Variants in MYOZ1 observed in about 807,000 individuals in gnomAD.
The protein encoded by MYOZ1 is myozenin 1.
A neutral mutation model predicts 28.7 loss-of-function variants in MYOZ1; 20 were observed. The observed-to-expected ratio is 0.70, with a 90% CI of 0.49 to 1.01. The LOEUF (loss-of-function observed/expected upper bound fraction) is 1.01. Ranked by LOEUF, MYOZ1 falls within the 50% of genes least tolerant of loss-of-function variation. The pLI, the probability that MYOZ1 is intolerant of heterozygous loss-of-function variation, is 0.00. For synonymous variants in MYOZ1, 144 were observed against 145.8 expected (o/e 0.99, Z 0.09); for missense variants, 371 against 372.4 (o/e 1.00, Z 0.03).
intron 5 of MYOZ1, among the ~76,000 whole-genome samples, chr10:73,633,007 A>G (rs1280452388): frequency 6.6e-6 from 1 of 151,980 alleles, no homozygotes; most frequent in Non-Finnish European, 1.5e-5. Context: ...AGCCATCTAA[A>G]GCAGGGTGGC....
chr10:73,633,386 A>C (rs1350642191), intron 5 of MYOZ1, among the ~76,000 whole-genome samples: 1 of 152,098 alleles, frequency 6.6e-6, no homozygotes, highest in Non-Finnish European at 1.5e-5. Context: ...CCTTGAATGG[A>C]AGAGAGCCTC....
intron 3 of MYOZ1, among the ~76,000 whole-genome samples, chr10:73,637,010 C>CTTTTTTTTTTTTTTTTTTTTTTTTTTTT (rs200349316): frequency 2.2e-5 from 3 of 137,498 alleles, no homozygotes; most frequent in East Asian, 2.2e-4. Context: ...TTTCTTTTTT[C>CTTTTTTTTTTTTTTTTTTTTTTTTTTTT]TTTCTTTTTT....
At chr10:73,638,806 A>T (rs1477403402) in intron 2 of MYOZ1, among the ~76,000 whole-genome samples, 2 of 151,290 alleles carry the variant, frequency 1.3e-5, no homozygotes, top group African/African-American at 4.9e-5. Context: ...AGCCGGGATT[A>T]CAGGCACCCG....
intron 2 of MYOZ1, among the ~76,000 whole-genome samples, chr10:73,638,668 T>TTATTTATGTATTTATTTATG (rs1554958193): frequency 1.2e-3 from 173 of 147,510 alleles, no homozygotes; most frequent in African/African-American, 4.0e-3. Flanking sequence ...ATTTATTTAT[T>TTATTTATGTATTTATTTATG]TATTTATTTA....
chr10:73,632,856 A>G (rs1258763227), intron 5 of MYOZ1, among the ~76,000 whole-genome samples: 2 of 152,054 alleles, frequency 1.3e-5, no homozygotes, highest in African/African-American at 4.8e-5. Flanking sequence ...TAGCCTGGCT[A>G]AGAGTAATTA....
chr10:73,639,941 C>T lies in MYOZ1; in HGVS notation c.73+4G>A, dbSNP rs111508910. 1.1e-5 allele frequency: 17 copies of T among 1,613,840 alleles called. No individual in the cohort carries two copies. Among genetic ancestry groups the T allele is most frequent in the African/African-American group, 9.3e-5 (7 of 75,026 alleles). On this transcript the variant is annotated splice_donor_region_variant and intron_variant, in intron 2 of 5. Transcript: ENST00000359322. ...CACACTAGGGAGATGCAAACATGTC[C>T]TACCTCCAGTGAGTTCCATGATCAG...
chr10:73,639,949 A>C lies in MYOZ1; in HGVS notation c.69T>G (p.Thr23=). Residue 23 remains threonine, a synonymous_variant, in exon 2 of 6, where the codon ACT becomes ACG. Transcript: ENST00000359322. The stretch of plus-strand genomic sequence containing the variant: ...GGAGATGCAAACATGTCCTACCTCC[A>C]GTGAGTTCCATGATCAGCTTGCTGG... The part of the protein sequence containing the change: ...RKSSKLIMEL[T]GGGQESSGLN... 1 of 1,613,888 alleles carries C rather than the reference A, an allele frequency of 6.2e-7. No homozygotes were observed. Among genetic ancestry groups the C allele is most frequent in the African/African-American group, 1.3e-5 (1 of 75,006 alleles).
chr10:73,637,520 G>T (rs2081674465), intron 3 of MYOZ1, among the ~76,000 whole-genome samples: 5 of 152,154 alleles, frequency 3.3e-5, no homozygotes, highest in African/African-American at 1.2e-4. Context: ...CCCTAAGGGT[G>T]TGGTATTCTC....
At chr10:73,637,720 A>G in intron 3 of MYOZ1, 24 bp downstream of exon 3, 1 of 1,594,892 alleles carries the variant, frequency 6.3e-7, no homozygotes, top group Non-Finnish European at 8.6e-7. Context: ...AGGCTTTGAG[A>G]TAGTGATAAA....
chr10:73,638,014 T>A, intron 2 of MYOZ1, 92 bp from the exon 3 acceptor site: 1 of 1,178,510 alleles, frequency 8.5e-7, no homozygotes, highest in Non-Finnish European at 1.2e-6. Flanking sequence ...ACTAAGTGTG[T>A]ATGTGTGTCC....
rs754320628 is a variant in MYOZ1 at position 73,640,000 on chromosome 10, G to C, written c.18C>G (p.Thr6=). Reference sequence around the variant, plus strand: ...ATTTCCTCTTCTTATTAGGGGCCGGGGTTCCTGAGAGCGGCATTGTGGAGG... The same window carrying C: ...ATTTCCTCTTCTTATTAGGGGCCGGCGTTCCTGAGAGCGGCATTGTGGAGG... MPLSG[T]PAPNKKRKSS... The change falls in exon 2 of 6, where the codon ACC becomes ACG. Residue 6 remains threonine (T), a synonymous_variant. Transcript: ENST00000359322. 2 of 1,613,868 alleles carry C rather than the reference G, an allele frequency of 1.2e-6. No homozygotes were observed. The highest frequency in any genetic ancestry group is 1.3e-5 in the African/African-American group (1 of 74,890).
rs935574117 is a variant in MYOZ1 at position 73,632,001 on chromosome 10, T to C, written c.829A>G (p.Ser277Gly). The change falls in exon 6 of 6, where the codon AGC becomes GGC. Residue 277 changes from serine (S) to glycine (G), a missense_variant. Transcript: ENST00000359322. ...TTGTAGTCTACAGGCTCCCCAGAGCTCAGCCAGGGAATAGGGGTTCGATTG... is the reference window on the plus strand; with the variant it reads ...TTGTAGTCTACAGGCTCCCCAGAGCCCAGCCAGGGAATAGGGGTTCGATTG... ...SFNRTPIPWL[S>G]SGEPVDYNVD... is the part of the protein sequence containing the mutation. 1.9e-6 allele frequency: 3 copies of C among 1,614,030 alleles called. No individual in the cohort carries two copies. The East Asian group carries it at 6.7e-5, about 36-fold the overall frequency.
intron 3 of MYOZ1, among the ~76,000 whole-genome samples, chr10:73,635,264 G>A (rs968019211): frequency 6.6e-6 from 1 of 151,112 alleles, no homozygotes; most frequent in Non-Finnish European, 1.5e-5. Flanking sequence ...CCCTTGGCTC[G>A]TTTCCTCCAG....
chr10:73,633,175 T>C (rs1233713630), intron 5 of MYOZ1, among the ~76,000 whole-genome samples: 4 of 152,160 alleles, frequency 2.6e-5, no homozygotes, highest in Admixed American at 6.5e-5. Context: ...CGGGTGCCTA[T>C]AATGCCAGCT....
rs1350636374 is a variant in MYOZ1, at chr10:73,634,690, C to T, written c.296G>A (p.Gly99Asp). The T allele has an allele frequency of 1.9e-6, 3 of 1,614,184 alleles. No homozygotes were observed. The highest frequency in any genetic ancestry group is 1.1e-5 in the South Asian group (1 of 91,084). Residue 99 changes from glycine to aspartate, a missense_variant, in exon 4 of 6, where the codon GGC (glycine) becomes GAC (aspartate). Transcript: ENST00000359322. ...GTATGAGAATCCCTGACCAGCTGTG[C>T]CCAGCTGTCCCCCCACTGTTGGAAG... Reference protein sequence around the residue: ...KFLPTVGGQLGTAGQGFSYSK... With the variant: ...KFLPTVGGQLDTAGQGFSYSK...
chr10:73,639,234 C>T (rs2081688653), intron 2 of MYOZ1, among the ~76,000 whole-genome samples: 1 of 152,052 alleles, frequency 6.6e-6, no homozygotes, highest in South Asian at 2.1e-4. Flanking sequence ...GCGATCGTCC[C>T]ACCTCAGCCT....
Position 73,637,010 on chromosome 10 carries a change from C to CTTTTTTTTTTTTTTT in MYOZ1, c.252+733_252+734insAAAAAAAAAAAAAAA, listed in dbSNP as rs200349316. On this transcript the variant is annotated intron_variant, in intron 3 of 5. Coordinates refer to ENST00000359322, the MANE Select transcript of MYOZ1 (RefSeq NM_021245.4). ...TTATCTTCTTCCTTTTTTCTTTTTT[C>CTTTTTTTTTTTTTTT]TTTCTTTTTTTTTTTTTTTTGAGAC... is the stretch of plus-strand genomic sequence containing the variant. 2.8e-4 allele frequency among the ~76,000 whole-genome samples: 39 copies of CTTTTTTTTTTTTTTT among 137,486 alleles called. 1 individual carries two copies. The highest frequency in any genetic ancestry group is 1.1e-3 in the East Asian group (5 of 4,624). The allele number at this position is 137,486 out of a possible 152,430, so 90.2% of individuals were successfully genotyped here. A position where few individuals can be genotyped will look rare whatever the true frequency, so the allele number is the denominator to read the frequency against.
intron 1 of MYOZ1, among the ~76,000 whole-genome samples, chr10:73,640,523 C>G (rs1443316985): frequency 6.6e-6 from 1 of 152,116 alleles, no homozygotes; most frequent in Non-Finnish European, 1.5e-5. Flanking sequence ...GGATACAGGA[C>G]AGGAAGTATA....
chr10:73,633,813 C>T (rs1377000027), intron 5 of MYOZ1, 87 bp downstream of exon 5: 2 of 1,422,642 alleles, frequency 1.4e-6, no homozygotes, highest in African/African-American at 2.9e-5. Flanking sequence ...TAGCCTCCTT[C>T]TGAAACATTT....
Sources: allele counts gnomAD v4.1 joint callset (sites outside exome capture counted in the v4.1 genomes callset), GRCh38; gene constraint gnomAD v4.1.1; transcripts MANE v1.5; gene names NCBI Gene and HGNC (gene_info 2026-07-23, HGNC 2026-07-21).